The following UROS variants were observed in gnomAD, a reference collection of about 807,000 sequenced individuals.
UROS encodes the protein uroporphyrinogen III synthase, also known as uroporphyrinogen-III synthase.
UROS carries 18 observed loss-of-function variants against 33.0 expected under a neutral mutation model. That is an observed-to-expected ratio of 0.55 (90% confidence interval 0.38 to 0.81). The LOEUF (loss-of-function observed/expected upper bound fraction) is 0.81, where lower values mean the gene tolerates loss of function less well. UROS is among the 30% of genes least tolerant of loss of function. UROS has a pLI of 0.00. For synonymous variants in UROS, 114 were observed against 121.1 expected (o/e 0.94, Z 0.38); for missense variants, 293 against 314.9 (o/e 0.93, Z 0.53).
At chr10:125,799,929 A>G (rs1437104324) in intron 6 of UROS, among the ~76,000 whole-genome samples, 1 of 152,170 alleles carries the variant, frequency 6.6e-6, no homozygotes, top group Non-Finnish European at 1.5e-5. Context: ...ATTTATCTTC[A>G]GCCCCAACAG....
In UROS at chr10:125,816,504, G is replaced by C. The variant is rs376879819; in HGVS notation, c.-5C>G. Reference sequence around the variant, plus strand: ...CTTCAGTAAAAGAACCTTCATTATTGCCTGGCAGTCCTTATAGGGCACTGC... The same window carrying C: ...CTTCAGTAAAAGAACCTTCATTATTCCCTGGCAGTCCTTATAGGGCACTGC... On this transcript the variant is annotated 5_prime_UTR_variant, in exon 2 of 10. Transcript: ENST00000368797. 6.2e-7 allele frequency: 1 copy of C among 1,613,988 alleles called. No homozygotes were observed. The highest frequency in any genetic ancestry group is 1.3e-5 in the African/African-American group (1 of 74,890).
chr10:125,809,712 C>T (rs1450510051), intron 5 of UROS, among the ~76,000 whole-genome samples: 2 of 151,990 alleles, frequency 1.3e-5, no homozygotes, highest in Non-Finnish European at 2.9e-5. Flanking sequence ...TGTTACATAG[C>T]ATGTACTTTT....
At chr10:125,802,064 C>A (rs1851877539) in intron 6 of UROS, 3 of 985,330 alleles carry the variant, frequency 3.0e-6, no homozygotes, top group Admixed American at 6.1e-5. Context: ...ATGTCAAGAT[C>A]TACCATTTAC....
intron 4 of UROS, among the ~76,000 whole-genome samples, chr10:125,814,218 A>T (rs1853090062): frequency 1.3e-5 from 2 of 152,220 alleles, no homozygotes; most frequent in Non-Finnish European, 2.9e-5. Flanking sequence ...TCCCATGATG[A>T]GAGGTCAAGG....
At chr10:125,807,891 T>C (rs964823145) in intron 5 of UROS, among the ~76,000 whole-genome samples, 1 of 152,240 alleles carries the variant, frequency 6.6e-6, no homozygotes, top group Non-Finnish European at 1.5e-5. Context: ...TTGGTACTTT[T>C]TGCAGGAATC....
At chr10:125,789,990 C>A (rs1850804149) in intron 9 of UROS, among the ~76,000 whole-genome samples, 1 of 152,340 alleles carries the variant, frequency 6.6e-6, no homozygotes. Context: ...ACATTGGCAG[C>A]CCCTGCCCAG....
chr10:125,793,084 G>GTGTGACAGATA (rs1245595102), intron 9 of UROS: 1 of 152,254 alleles, frequency 6.6e-6, no homozygotes, highest in Non-Finnish European at 1.5e-5. Context: ...GCAGAAATGG[G>GTGTGACAGATA]TGTGACAGAT....
At chr10:125,806,946 C>T (rs369145055) in intron 6 of UROS, among the ~76,000 whole-genome samples, 2 of 152,280 alleles carry the variant, frequency 1.3e-5, no homozygotes, top group South Asian at 2.1e-4. Context: ...GCTAACACCC[C>T]TAGAACAAGT....
chr10:125,787,180 G>C (rs1850656164), downstream of UROS, among the ~76,000 whole-genome samples: 1 of 152,214 alleles, frequency 6.6e-6, no homozygotes, highest in Non-Finnish European at 1.5e-5. Context: ...GTGTTTACTA[G>C]CATGTAGACA....
chr10:125,816,122 G>T, intron 3 of UROS, 55 bp downstream of exon 3: 1 of 1,519,624 alleles, frequency 6.6e-7, no homozygotes, highest in Non-Finnish European at 9.1e-7. Flanking sequence ...TCTGGCTTCA[G>T]CTGGCAAGGG....
intron 1 of UROS, among the ~76,000 whole-genome samples, chr10:125,821,144 C>T (rs1395916852): frequency 6.6e-6 from 1 of 152,074 alleles, no homozygotes; most frequent in Non-Finnish European, 1.5e-5. Context: ...ACATATATAC[C>T]CCAAAGAATT....
intron 6 of UROS, among the ~76,000 whole-genome samples, chr10:125,806,638 G>C (rs989696186): frequency 1.4e-4 from 21 of 152,196 alleles, no homozygotes. Context: ...TGATCTCTAG[G>C]AAAGCCTGGA....
At chr10:125,814,252 G>A (rs540267338) in intron 4 of UROS, among the ~76,000 whole-genome samples, 4 of 152,186 alleles carry the variant, frequency 2.6e-5, no homozygotes, top group Non-Finnish European at 5.9e-5. Context: ...CCAAATGGCT[G>A]CATAAACCCA....
At chr10:125,796,237 T>C (rs1851350595) in intron 7 of UROS, 49 bp from the exon 8 acceptor site, 1 of 1,570,186 alleles carries the variant, frequency 6.4e-7, no homozygotes, top group East Asian at 2.2e-5. Flanking sequence ...GGGCACACAA[T>C]GGGGCCTCCA....
rs1040183510 is a variant in UROS at position 125,816,096 on chromosome 10, A to G, written c.147+81T>C. ...AAGTTTGGGAATAAAATAAGAAGAC[A>G]GTAAAATAGTCCCTCTCTGGCTTCA... On this transcript the variant is annotated intron_variant, in intron 3 of 9. Coordinates refer to ENST00000368797, the MANE Select transcript of UROS (RefSeq NM_000375.3). 2.3e-6 allele frequency: 3 copies of G among 1,307,126 alleles called. 1 individual carries two copies. The highest frequency in any genetic ancestry group is 3.6e-4 in the Middle Eastern group (2 of 5,520). The allele number at this position is 1,307,126 out of a possible 1,614,324, so 81.0% of individuals were successfully genotyped here.
In UROS at chr10:125,802,068, C is replaced by G. The variant is rs1022277049; in HGVS notation, c.395-3923G>C. 4 of 985,306 alleles carry G rather than the reference C, an allele frequency of 4.1e-6. No homozygotes were observed. The African/African-American group carries it at 7.0e-5, about 17-fold the overall frequency. 61.0% of individuals were successfully genotyped at this position (985,306 alleles called of 1,614,324 possible). ...TCCCACAAGCAATGTCAAGATCTAC[C>G]ATTTACATTTATTTCTACATTTTTA... On this transcript the variant is annotated intron_variant, in intron 6 of 9. Coordinates refer to ENST00000368797, the MANE Select transcript of UROS (RefSeq NM_000375.3).
At chr10:125,822,358 C>T (rs1391694772) in intron 1 of UROS, among the ~76,000 whole-genome samples, 1 of 151,760 alleles carries the variant, frequency 6.6e-6, no homozygotes, top group African/African-American at 2.4e-5. Context: ...CTCTGTCGCC[C>T]AGGCTGGAGT....
intron 6 of UROS, chr10:125,802,121 G>T (rs1332184718): frequency 1.0e-6 from 1 of 985,224 alleles, no homozygotes; most frequent in Non-Finnish European, 1.2e-6. Context: ...CCATTTATGC[G>T]GTGATGATGA....
intron 4 of UROS, among the ~76,000 whole-genome samples, chr10:125,814,114 T>A (rs1423101524): frequency 6.6e-6 from 1 of 152,220 alleles, no homozygotes; most frequent in Non-Finnish European, 1.5e-5. Flanking sequence ...GAAAAAGTAT[T>A]CAGGACAGAG....
Sources: allele counts gnomAD v4.1 joint callset (sites outside exome capture counted in the v4.1 genomes callset), GRCh38; gene constraint gnomAD v4.1.1; transcripts MANE v1.5; gene names NCBI Gene and HGNC (gene_info 2026-07-23, HGNC 2026-07-21).